KCNK1: variants seen among roughly 807,000 people sequenced by gnomAD.
KCNK1 encodes potassium two pore domain channel subfamily K member 1.
A neutral mutation model predicts 22.2 loss-of-function variants in KCNK1; 10 were observed. The ratio of observed to expected loss-of-function variants is 0.45; its 90% confidence interval spans 0.28 to 0.76. The LOEUF (loss-of-function observed/expected upper bound fraction) is 0.76, where lower values mean the gene tolerates loss of function less well. Ranked by LOEUF, KCNK1 falls within the 30% of genes least tolerant of loss-of-function variation. KCNK1 has a pLI of 0.14. For missense variants in KCNK1, 378 were observed against 421.0 expected (o/e 0.90, Z 0.89); for synonymous variants, 200 against 186.4 (o/e 1.07, Z -0.60).
At chr1:233,639,463 T>G (rs1168082491) in intron 1 of KCNK1, among the ~76,000 whole-genome samples, 5 of 152,240 alleles carry the variant, frequency 3.3e-5, no homozygotes. Context: ...ATTTTCTGAC[T>G]TTTATGTTGC....
At chr1:233,647,131 ATG>A (rs1388116086) in intron 1 of KCNK1, among the ~76,000 whole-genome samples, 3 of 152,150 alleles carry the variant, frequency 2.0e-5, no homozygotes, top group Non-Finnish European at 4.4e-5. Context: ...CCACTTATTA[ATG>A]TGTCAGTTTT....
rs1658599625 is a variant in KCNK1, at chr1:233,671,570, G to C, written c.*40G>C. ...GCATTATGCTAGAGCACCAGGGTCA[G>C]GGTGCAAGGAAGAGGCTTAAGTATG... is the stretch of plus-strand genomic sequence containing the variant. On this transcript the variant is annotated 3_prime_UTR_variant, in exon 3 of 3. Transcript: ENST00000366621. The C allele has an allele frequency of 6.2e-7, 1 of 1,610,898 alleles. No homozygotes were observed. The highest frequency in any genetic ancestry group is 8.5e-7 in the Non-Finnish European group (1 of 1,178,354).
In KCNK1 at chr1:233,641,032, G is replaced by A. The variant is rs777501928; in HGVS notation, c.356-25563G>A. On this transcript the variant is annotated intron_variant, in intron 1 of 2. Transcript: ENST00000366621. ...AACAGGCTCTACTTTTCTCATAGGC[G>A]ATGCCCGAGGGTGTCGGTCTAAATT... 1.3e-4 allele frequency among the ~76,000 whole-genome samples: 20 copies of A among 152,238 alleles called. No homozygotes were observed. In the South Asian group the frequency reaches 1.7e-3, roughly 13 times the overall value.
intron 1 of KCNK1, among the ~76,000 whole-genome samples, chr1:233,625,635 G>A (rs1438233906): frequency 6.6e-6 from 1 of 152,164 alleles, no homozygotes; most frequent in African/African-American, 2.4e-5. Flanking sequence ...GGTGGTGATA[G>A]GTGCTCAGGA....
chr1:233,667,515 G>A (rs1201071449), intron 2 of KCNK1, among the ~76,000 whole-genome samples: 1 of 151,894 alleles, frequency 6.6e-6, no homozygotes, highest in Non-Finnish European at 1.5e-5. Flanking sequence ...CGGATCACGA[G>A]GTCAGGAGAT....
intron 1 of KCNK1, 27 bp downstream of exon 1, chr1:233,614,553 C>T: frequency 6.6e-7 from 1 of 1,514,574 alleles, no homozygotes; most frequent in Non-Finnish European, 8.9e-7. Flanking sequence ...GCCCCCTGGC[C>T]GCCCCGGCCA....
intron 1 of KCNK1, among the ~76,000 whole-genome samples, chr1:233,651,336 T>C (rs1658199175): frequency 6.6e-6 from 1 of 152,184 alleles, no homozygotes; most frequent in Non-Finnish European, 1.5e-5. Context: ...TATAATAACT[T>C]TTAAACCTAA....
intron 1 of KCNK1, among the ~76,000 whole-genome samples, chr1:233,623,390 T>C (rs1212423971): frequency 6.6e-6 from 1 of 152,154 alleles, no homozygotes; most frequent in Non-Finnish European, 1.5e-5. Flanking sequence ...TGACTATAGT[T>C]AACAGTAATA....
intron 1 of KCNK1, among the ~76,000 whole-genome samples, chr1:233,625,069 A>G (rs189107603): frequency 2.9e-3 from 435 of 152,334 alleles, no homozygotes; most frequent in Non-Finnish European, 4.3e-3. Context: ...ACCATAGTTT[A>G]TGTGACATGG....
At chr1:233,658,061 G>C (rs1650706278) in intron 1 of KCNK1, among the ~76,000 whole-genome samples, 1 of 152,126 alleles carries the variant, frequency 6.6e-6, no homozygotes, top group Non-Finnish European at 1.5e-5. Flanking sequence ...AGACATGGCA[G>C]GGATTCGTAT....
intron 1 of KCNK1, among the ~76,000 whole-genome samples, chr1:233,632,394 T>C (rs559169924): frequency 3.5e-4 from 53 of 152,344 alleles, no homozygotes; most frequent in African/African-American, 1.3e-3. Context: ...ATTAGTAATT[T>C]TGACCAGATA....
At chr1:233,630,421 G>A (rs1657771364) in intron 1 of KCNK1, 2 of 152,160 alleles carry the variant, frequency 1.3e-5, no homozygotes, top group Admixed American at 1.3e-4. Flanking sequence ...TTTTGTAATT[G>A]TTCAAGATAA....
chr1:233,620,619 C>G (rs1657568075), intron 1 of KCNK1, among the ~76,000 whole-genome samples: 1 of 151,972 alleles, frequency 6.6e-6, no homozygotes, highest in Non-Finnish European at 1.5e-5. Context: ...TAAAATTAAA[C>G]AAGCAAACTC....
At chr1:233,632,519 G>C (rs1475270046) in intron 1 of KCNK1, among the ~76,000 whole-genome samples, 1 of 152,026 alleles carries the variant, frequency 6.6e-6, no homozygotes, top group Non-Finnish European at 1.5e-5. Flanking sequence ...GTTCTTGTCA[G>C]GATTCAATGT....
At chr1:233,617,366 A>G (rs1657504154) in intron 1 of KCNK1, among the ~76,000 whole-genome samples, 1 of 152,194 alleles carries the variant, frequency 6.6e-6, no homozygotes, top group African/African-American at 2.4e-5. Context: ...AAAGACTCTG[A>G]ATTATTTCCA....
intron 1 of KCNK1, chr1:233,631,436 C>T (rs974651693): frequency 1.0e-5 from 4 of 393,800 alleles, no homozygotes; most frequent in Non-Finnish European, 2.1e-5. Flanking sequence ...AGCTCAAAAG[C>T]AGAAAATGTT....
intron 1 of KCNK1, among the ~76,000 whole-genome samples, chr1:233,621,683 T>C (rs1477377015): frequency 1.3e-5 from 2 of 152,230 alleles, no homozygotes; most frequent in Non-Finnish European, 2.9e-5. Context: ...TGTGAACTCA[T>C]ACCTGTCTAT....
At chr1:233,634,033 C>G (rs920926728) in intron 1 of KCNK1, among the ~76,000 whole-genome samples, 1 of 152,052 alleles carries the variant, frequency 6.6e-6, no homozygotes, top group South Asian at 2.1e-4. Flanking sequence ...TTGGGCCGGG[C>G]GCAGTGGCTT....
chr1:233,671,668 T>TA lies in KCNK1; in HGVS notation c.*144dup, dbSNP rs1445109419. Reference sequence around the variant, plus strand: ...ATAGCTACTGTTTGCAATGTCTTATTAAAAAACAACAAAAAAAGACAAATG... The same window carrying TA: ...ATAGCTACTGTTTGCAATGTCTTATTAAAAAAACAACAAAAAAAGACAAATG... On this transcript the variant is annotated 3_prime_UTR_variant, in exon 3 of 3. Transcript: ENST00000366621. 4 of 1,002,284 alleles carry TA rather than the reference T, an allele frequency of 4.0e-6. No homozygotes were observed. Among genetic ancestry groups the TA allele is most frequent in the Non-Finnish European group, 5.8e-6 (4 of 692,882 alleles). The allele number at this position is 1,002,284 out of a possible 1,614,324, so 62.1% of individuals were successfully genotyped here. A position where few individuals can be genotyped will look rare whatever the true frequency, so the allele number is the denominator to read the frequency against.
Sources: gnomAD v4.1 joint callset for allele counts (sites outside exome capture counted in the v4.1 genomes callset) on GRCh38, gnomAD v4.1.1 for gene constraint, MANE v1.5 for transcripts, NCBI Gene and HGNC (gene_info 2026-07-23, HGNC 2026-07-21) for gene names.